The following GALNS variants were observed in gnomAD, a reference collection of about 807,000 sequenced individuals.
GALNS encodes N-acetylgalactosamine-6-sulfatase.
Under a neutral mutation model 65.9 loss-of-function variants are expected in GALNS, and 65 were observed. That is an observed-to-expected ratio of 0.99 (90% CI 0.81 to 1.21). The LOEUF (loss-of-function observed/expected upper bound fraction) is 1.21, where lower values mean the gene tolerates loss of function less well. Among genes scored for constraint, GALNS ranks in the 50% most tolerant of loss-of-function variants. The probability of loss-of-function intolerance (pLI) is 0.00; values close to 1 mark genes in which losing one functional copy is unlikely to be tolerated. For missense variants in GALNS, 776 were observed against 700.7 expected (o/e 1.11, Z -1.21); for synonymous variants, 346 against 288.9 (o/e 1.20, Z -2.00).
Position 88,814,290 on chromosome 16 carries a change from G to C in GALNS, c.*149C>G. ...ACACGCCAGGGTCAGGTCCTGGGCA[G>C]GTGGAATTGTGCAGTCCCCCTGCGT... On this transcript the variant is annotated 3_prime_UTR_variant, in exon 14 of 14. Transcript: ENST00000268695. 1 of 1,068,794 alleles carries C rather than the reference G, an allele frequency of 9.4e-7. No individual in the cohort carries two copies. The highest frequency in any genetic ancestry group is 1.4e-6 in the Non-Finnish European group (1 of 714,986). The allele number at this position is 1,068,794 out of a possible 1,614,324, so 66.2% of individuals were successfully genotyped here. A position where few individuals can be genotyped will look rare whatever the true frequency, so the allele number is the denominator to read the frequency against.
intron 1 of GALNS, among the ~76,000 whole-genome samples, chr16:88,851,328 TCA>T (rs1159562554): frequency 6.6e-6 from 1 of 152,172 alleles, no homozygotes; most frequent in South Asian, 2.1e-4. Flanking sequence ...AACCTGGGTC[TCA>T]CAGACAGACA....
intron 8 of GALNS, among the ~76,000 whole-genome samples, chr16:88,834,266 C>T (rs917618103): frequency 2.6e-5 from 4 of 152,198 alleles, no homozygotes; most frequent in African/African-American, 9.6e-5. Context: ...CCAATCCCCG[C>T]AGCACACTGG....
At chr16:88,836,029 C>T (rs1012351328) in intron 6 of GALNS, among the ~76,000 whole-genome samples, 172 bp downstream of exon 6, 7 of 151,258 alleles carry the variant, frequency 4.6e-5, no homozygotes, top group African/African-American at 7.3e-5. Context: ...GAGGATGGTG[C>T]GGTCCCCGTC....
At chr16:88,854,191 C>T (rs1967646572) in intron 1 of GALNS, among the ~76,000 whole-genome samples, 1 of 152,208 alleles carries the variant, frequency 6.6e-6, no homozygotes, top group Non-Finnish European at 1.5e-5. Flanking sequence ...AGCTGTGGGT[C>T]ATCAAGCCAT....
At chr16:88,826,134 CAG>C (rs1910869844) in intron 10 of GALNS, among the ~76,000 whole-genome samples, 1 of 136,754 alleles carries the variant, frequency 7.3e-6, no homozygotes. Context: ...GGGCAGGGAA[CAG>C]GGGTGGGGCA....
chr16:88,832,025 C>G lies in GALNS; in HGVS notation c.975G>C (p.Trp325Cys), dbSNP rs1269110043. 1.9e-6 allele frequency: 3 copies of G among 1,613,778 alleles called. No homozygotes were observed. The change falls in exon 9 of 14, where the codon TGG becomes TGC. Residue 325 changes from tryptophan (W) to cysteine (C), a missense_variant. Physicochemically the swap from Trp to Cys is radical, Grantham distance 215 (BLOSUM62 -2). Transcript: ENST00000268695. ...GGCCTGCAGTGACGTGCCCTGGCCA[C>G]CATGCGAGGGCAGGCTCCCTCATCC... is the stretch of plus-strand genomic sequence containing the variant. ...EGGMREPALA[W>C]WPGHVTAGQV...
chr16:88,856,046 G>C, intron 1 of GALNS: 1 of 639,416 alleles, frequency 1.6e-6, no homozygotes, highest in Non-Finnish European at 2.8e-6. Context: ...GGTCCTGCAC[G>C]GTGACCCATG....
intron 11 of GALNS, among the ~76,000 whole-genome samples, chr16:88,823,666 G>A (rs1160579521): frequency 1.3e-5 from 1 of 77,322 alleles, no homozygotes; most frequent in Admixed American, 1.2e-4. Context: ...GCCGGGGACC[G>A]ATGCCCAGGA....
intron 12 of GALNS, among the ~76,000 whole-genome samples, chr16:88,820,175 C>A (rs1253885952): frequency 6.6e-6 from 1 of 152,020 alleles, no homozygotes. Context: ...GTCACCCAGG[C>A]TGGAGTGCAG....
In GALNS at chr16:88,814,113, A is replaced by G. The variant is rs1162210079; in HGVS notation, c.*326T>C. On this transcript the variant is annotated 3_prime_UTR_variant, in exon 14 of 14. Transcript: ENST00000268695. The stretch of plus-strand genomic sequence containing the variant: ...GACCTCCTGAGGCTGTCACAGGTGC[A>G]TCCTTAACCTTGGCAAAATAAACTG... 2.3e-6 allele frequency: 1 copy of G among 439,384 alleles called. No homozygotes were observed. Among genetic ancestry groups the G allele is most frequent in the African/African-American group, 2.0e-5 (1 of 50,032 alleles). 27.2% of individuals were successfully genotyped at this position (439,384 alleles called of 1,614,324 possible).
At chr16:88,839,883 C>G (rs1276943137) in intron 4 of GALNS, among the ~76,000 whole-genome samples, 1 of 152,254 alleles carries the variant, frequency 6.6e-6, no homozygotes, top group Non-Finnish European at 1.5e-5. Context: ...CAAGACAGAG[C>G]TGCCAGGCCA....
intron 1 of GALNS, among the ~76,000 whole-genome samples, chr16:88,846,509 C>CTTTTTTT (rs59223444): frequency 2.3e-5 from 2 of 88,698 alleles, no homozygotes; most frequent in Non-Finnish European, 4.3e-5. Context: ...GCGTTTCTGG[C>CTTTTTTT]TTTTTTTTTT....
chr16:88,826,926 C>T lies in GALNS; in HGVS notation c.1003-88G>A, dbSNP rs1910993057. The T allele has an allele frequency of 5.4e-6, 8 of 1,483,970 alleles. No homozygotes were observed. The South Asian group carries it at 6.1e-5, about 11-fold the overall frequency. The allele number at this position is 1,483,970 out of a possible 1,614,324, so 91.9% of individuals were successfully genotyped here. A position where few individuals can be genotyped will look rare whatever the true frequency, so the allele number is the denominator to read the frequency against. ...AATCCCTGGGGGGGCGTGAGCCCCG[C>T]TGCCCAGCTGGGTCTACAGATATGC... is the stretch of plus-strand genomic sequence containing the variant. On this transcript the variant is annotated intron_variant, in intron 9 of 13. Coordinates refer to ENST00000268695, the MANE Select transcript of GALNS (RefSeq NM_000512.5).
rs1215348062 is a variant in GALNS, at chr16:88,818,924, C to T, written c.1365-800G>A. On this transcript the variant is annotated intron_variant, in intron 12 of 13. Coordinates refer to ENST00000268695, the MANE Select transcript of GALNS (RefSeq NM_000512.5). Reference sequence around the variant, plus strand: ...CGTTGCTGCTGGTGGGGACGTGGACCGGAGCAGCCACTCTGGAAGGTGGTG... The same window carrying T: ...CGTTGCTGCTGGTGGGGACGTGGACTGGAGCAGCCACTCTGGAAGGTGGTG... 3.9e-5 allele frequency among the ~76,000 whole-genome samples: 6 copies of T among 152,276 alleles called. No individual in the cohort carries two copies. In the South Asian group the frequency reaches 8.3e-4, roughly 21 times the overall value.
In GALNS at chr16:88,856,835, G is replaced by C; in HGVS notation, c.43C>G (p.Leu15Val). 6.6e-7 allele frequency: 1 copy of C among 1,521,148 alleles called. No individual in the cohort carries two copies. The highest frequency in any genetic ancestry group is 8.7e-7 in the Non-Finnish European group (1 of 1,143,686). The allele number at this position is 1,521,148 out of a possible 1,614,324, so 94.2% of individuals were successfully genotyped here. The change falls in exon 1 of 14, where the codon CTG becomes GTG. Residue 15 changes from leucine to valine, a missense_variant. By Grantham distance (32) the Leu-to-Val change is conservative (BLOSUM62 1). Transcript: ENST00000268695. ...CCCATCCCCGCGGCGCTGAGCACCA[G>C]CAACAGCTGCCACCACCTCGTCGCC... ...VAATRWWQLL[L>V]VLSAAGMGAS... is the part of the protein sequence containing the mutation.
rs958299294 is a variant in GALNS at position 88,841,150 on chromosome 16, C to T, written c.320-56G>A. 3.7e-6 allele frequency: 5 copies of T among 1,353,086 alleles called. No homozygotes were observed. The South Asian group carries it at 5.8e-5, about 16-fold the overall frequency. The allele number at this position is 1,353,086 out of a possible 1,614,324, so 83.8% of individuals were successfully genotyped here. A position where few individuals can be genotyped will look rare whatever the true frequency, so the allele number is the denominator to read the frequency against. On this transcript the variant is annotated intron_variant, in intron 3 of 13. Transcript: ENST00000268695. ...GAGACCCCGAGAAGCTGCCACCAAC[C>T]CCATCCTAACAGGACACTGGGGGCT...
rs561650035 is a variant in GALNS at position 88,817,048 on chromosome 16, C to A, written c.1482+959G>T. ...CGTTTTTGCCGACTAGAGCGAGGGC[C>A]GCACGTGTCCCATCTGAAGGAGCTG... On this transcript the variant is annotated intron_variant, in intron 13 of 13. Transcript: ENST00000268695. 8 of 985,442 alleles carry A rather than the reference C, an allele frequency of 8.1e-6. No homozygotes were observed. In the African/African-American group the frequency reaches 1.4e-4, roughly 17 times the overall value. The allele number at this position is 985,442 out of a possible 1,614,324, so 61.0% of individuals were successfully genotyped here. A position where few individuals can be genotyped will look rare whatever the true frequency, so the allele number is the denominator to read the frequency against.
rs11865929 is a variant in GALNS at position 88,842,710 on chromosome 16, C to T, written c.240G>A (p.Ser80=). 4,803 of 1,612,542 alleles carry T rather than the reference C, an allele frequency of 3.0e-3. 119 individuals are homozygous for T. In the African/African-American group the frequency reaches 0.057, roughly 19 times the overall value. ...PNFYSANPLC[S]PSRAALLTGR... is the part of the protein sequence containing the mutation. ...GCGAGGGCCCCGCTGACTTACATGG[C>T]GAGCACAGAGGGTTGGCAGAATAGA... Residue 80 remains serine, a synonymous_variant, in exon 2 of 14, where the codon TCG becomes TCA. Coordinates refer to ENST00000268695, the MANE Select transcript of GALNS (RefSeq NM_000512.5).
intron 13 of GALNS, chr16:88,815,328 C>A (rs929985347): frequency 1.0e-6 from 1 of 985,484 alleles, no homozygotes; most frequent in Non-Finnish European, 1.2e-6. Context: ...GGAGGGCCCA[C>A]CCTGAGCTTC....
Sources: allele counts gnomAD v4.1 joint callset (sites outside exome capture counted in the v4.1 genomes callset), GRCh38; gene constraint gnomAD v4.1.1; transcripts MANE v1.5; gene names NCBI Gene and HGNC (gene_info 2026-07-23, HGNC 2026-07-21).